Variants in MYT1L observed in about 807,000 individuals in gnomAD.
MYT1L encodes myelin transcription factor 1-like protein.
MYT1L carries 12 observed loss-of-function variants against 126.7 expected under a neutral mutation model. That is an observed-to-expected ratio of 0.09 (90% CI 0.06 to 0.15). The LOEUF is 0.15. MYT1L is among the 10% of genes least tolerant of loss of function. The probability of loss-of-function intolerance (pLI) is 1.00; values close to 1 mark genes in which losing one functional copy is unlikely to be tolerated. For missense variants in MYT1L, 979 were observed against 1,585.2 expected (o/e 0.62, Z 6.49); for synonymous variants, 541 against 604.2 (o/e 0.90, Z 1.53).
intron 5 of MYT1L, among the ~76,000 whole-genome samples, chr2:1,981,449 G>GTC (rs1219724821): frequency 2.6e-5 from 4 of 152,200 alleles, no homozygotes; most frequent in Non-Finnish European, 5.9e-5. Flanking sequence ...AAAAGAGACT[G>GTC]TCTCTATGAC....
Position 1,946,157 on chromosome 2 carries a change from G to A in MYT1L, c.153-2823C>T, listed in dbSNP as rs151135668. Among the ~76,000 whole-genome samples the A allele has an allele frequency of 4.9e-4, 75 of 152,120 alleles. 1 individual carries two copies. The East Asian group carries it at 0.014, about 28-fold the overall frequency. ...TGAGAACTGAGAACTGTGTATGTGA[G>A]GGATGTAGGTTGTGTGCTCCTTATG... On this transcript the variant is annotated intron_variant, in intron 8 of 24. Transcript: ENST00000647738.
In MYT1L at chr2:1,943,276, G is replaced by T. The variant is rs898514952; in HGVS notation, c.211C>A (p.Pro71Thr). The T allele has an allele frequency of 6.4e-7, 1 of 1,565,086 alleles. No homozygotes were observed. The highest frequency in any genetic ancestry group is 8.7e-7 in the Non-Finnish European group (1 of 1,154,096). The change falls in exon 9 of 25, where the codon CCT (proline) becomes ACT (threonine). Residue 71 changes from proline to threonine, a missense_variant. Physicochemically the swap from Pro to Thr is conservative, Grantham distance 38. This residue lies in a region of MYT1L where 111 missense variants were observed against 115.9 expected (regional missense o/e 0.96). Transcript: ENST00000647738. The surrounding 1 kb of genome is among the most constrained non-coding windows in gnomAD (Gnocchi z 4.4). Reference protein sequence around the residue: ...RKTQDKQPQEPAPKRKPFAVK... With the variant: ...RKTQDKQPQETAPKRKPFAVK... Reference sequence around the variant, plus strand: ...GCAAATGGCTTTCGTTTAGGAGCAGGTTCCTGGGGCTGTTTATCTTGTGTT... The same window carrying T: ...GCAAATGGCTTTCGTTTAGGAGCAGTTTCCTGGGGCTGTTTATCTTGTGTT...
intron 8 of MYT1L, among the ~76,000 whole-genome samples, chr2:1,971,414 T>A (rs1574103907): frequency 1.3e-5 from 2 of 152,108 alleles, no homozygotes; most frequent in Admixed American, 1.3e-4. Context: ...ACAATAAAGG[T>A]TGACTGCAAC....
At chr2:2,232,704 G>T (rs1401910442) in intron 2 of MYT1L, among the ~76,000 whole-genome samples, 1 of 152,198 alleles carries the variant, frequency 6.6e-6, no homozygotes, top group Non-Finnish European at 1.5e-5. Flanking sequence ...GGGATGGTTG[G>T]ACACTTATTT....
intron 2 of MYT1L, among the ~76,000 whole-genome samples, chr2:2,215,115 A>G (rs965518836): frequency 2.0e-5 from 3 of 152,194 alleles, no homozygotes. Context: ...AGAATCATAG[A>G]CAAATAATCT....
intron 10 of MYT1L, among the ~76,000 whole-genome samples, chr2:1,918,159 T>C (rs1234251525): frequency 6.6e-6 from 1 of 152,102 alleles, no homozygotes; most frequent in Non-Finnish European, 1.5e-5. Flanking sequence ...AGGGCAGAGC[T>C]TCGGTTAAAA....
intron 3 of MYT1L, among the ~76,000 whole-genome samples, chr2:2,075,344 A>C (rs918641930): frequency 6.6e-6 from 1 of 152,164 alleles, no homozygotes; most frequent in South Asian, 2.1e-4. Context: ...TGATGGGTGG[A>C]AGATGTACCA....
chr2:1,899,099 G>A (rs1220897182), intron 14 of MYT1L, among the ~76,000 whole-genome samples: 3 of 150,850 alleles, frequency 2.0e-5, no homozygotes, highest in African/African-American at 7.4e-5. Context: ...GCCCCCAAGG[G>A]TGGGGTGTGT....
At chr2:1,967,424 C>T (rs532343625) in intron 8 of MYT1L, among the ~76,000 whole-genome samples, 24 of 152,338 alleles carry the variant, frequency 1.6e-4, no homozygotes, top group South Asian at 1.2e-3. Context: ...CTCTGGGAGA[C>T]GGCCCGGGGT....
At chr2:2,183,434 T>C (rs929191864) in intron 2 of MYT1L, among the ~76,000 whole-genome samples, 1 of 152,120 alleles carries the variant, frequency 6.6e-6, no homozygotes, top group Non-Finnish European at 1.5e-5. Flanking sequence ...AACCAAGCCA[T>C]CCTGTTTCCT....
chr2:2,204,447 C>T (rs1001917319), intron 2 of MYT1L, among the ~76,000 whole-genome samples: 9 of 149,890 alleles, frequency 6.0e-5, no homozygotes, highest in South Asian at 2.1e-4. Context: ...AAAAAGTGGG[C>T]GAAGGATATG....
At chr2:2,212,371 C>A (rs1378179806) in intron 2 of MYT1L, among the ~76,000 whole-genome samples, 1 of 152,046 alleles carries the variant, frequency 6.6e-6, no homozygotes, top group Non-Finnish European at 1.5e-5. Flanking sequence ...TTGTAAATCC[C>A]AGTGCTTTTA....
chr2:2,187,275 C>T (rs2092279423), intron 2 of MYT1L, among the ~76,000 whole-genome samples: 2 of 152,080 alleles, frequency 1.3e-5, no homozygotes, highest in South Asian at 4.2e-4. Context: ...ATGGAAATGT[C>T]ATCTGCCAGG....
At chr2:2,143,942 T>C (rs991540283) in intron 3 of MYT1L, among the ~76,000 whole-genome samples, 5 of 133,836 alleles carry the variant, frequency 3.7e-5, no homozygotes, top group Admixed American at 8.2e-5. Flanking sequence ...ATGGGAGCAA[T>C]AGACGCTGGG....
intron 2 of MYT1L, among the ~76,000 whole-genome samples, chr2:2,215,362 T>C (rs73177806): frequency 0.14 from 21,627 of 152,152 alleles, 1,642 homozygotes; most frequent in South Asian, 0.19. Flanking sequence ...AGATACATCA[T>C]GCTTGCACTA....
In MYT1L at chr2:1,922,387, T is replaced by C. The variant is rs1334468731; in HGVS notation, c.1382A>G (p.Asn461Ser). The C allele has an allele frequency of 2.5e-6, 4 of 1,614,016 alleles. No individual in the cohort carries two copies. Among genetic ancestry groups the C allele is most frequent in the East Asian group, 2.2e-5 (1 of 44,876 alleles). ...AGACTGGTCCTCATATGACCTCATA[T>C]TGTCCCTCCTCCCAGCTTCCATGGC... Reference protein sequence around the residue: ...KMAMEAGRRDNMRSYEDQSPR... With the variant: ...KMAMEAGRRDSMRSYEDQSPR... Residue 461 changes from asparagine (N) to serine (S), a missense_variant, in exon 10 of 25, where the codon AAT (asparagine) becomes AGT (serine). Physicochemically the swap from Asn to Ser is conservative, Grantham distance 46. This residue lies in a region of MYT1L where 67 missense variants were observed against 80.3 expected (regional missense o/e 0.83). Coordinates refer to ENST00000647738, the MANE Select transcript of MYT1L (RefSeq NM_001303052.2). This position sits in a 1 kb window ranked among gnomAD's most constrained non-coding sequence, Gnocchi z 7.4.
At chr2:1,870,626 C>T (rs774882877) in intron 18 of MYT1L, among the ~76,000 whole-genome samples, 1 of 152,148 alleles carries the variant, frequency 6.6e-6, no homozygotes, top group Non-Finnish European at 1.5e-5. Context: ...GCAAGTCCAT[C>T]GTGAACTCTG....
intron 11 of MYT1L, among the ~76,000 whole-genome samples, chr2:1,915,263 C>T (rs1478599450): frequency 1.3e-5 from 2 of 152,186 alleles, no homozygotes; most frequent in African/African-American, 4.8e-5. Flanking sequence ...TTAGTAAATG[C>T]TTGTGGTGTT....
chr2:1,862,937 G>A (rs2044897257), intron 18 of MYT1L, among the ~76,000 whole-genome samples: 1 of 152,138 alleles, frequency 6.6e-6, no homozygotes, highest in Admixed American at 6.5e-5. Flanking sequence ...AGCTGCTGCA[G>A]GTGCATTACA....
Sources: allele counts gnomAD v4.1 joint callset (sites outside exome capture counted in the v4.1 genomes callset), GRCh38; gene constraint gnomAD v4.1.1; regional missense constraint gnomAD v4.1.1; non-coding constraint Gnocchi (gnomAD v3.1); transcripts MANE v1.5; gene names NCBI Gene and HGNC (gene_info 2026-07-23, HGNC 2026-07-21).